The following NAA40 variants were observed in gnomAD, a reference collection of about 807,000 sequenced individuals.
NAA40 encodes N-alpha-acetyltransferase 40.
A neutral mutation model predicts 36.6 loss-of-function variants in NAA40; 26 were observed. The ratio of observed to expected loss-of-function variants is 0.71; its 90% confidence interval spans 0.52 to 0.98. The LOEUF (loss-of-function observed/expected upper bound fraction) is 0.98. Among genes scored for constraint, NAA40 ranks in the 50% least tolerant of loss-of-function variants. The pLI, the probability that NAA40 is intolerant of heterozygous loss-of-function variation, is 0.00. For synonymous variants in NAA40, 129 were observed against 108.4 expected, an observed-to-expected ratio of 1.19 and a Z score of -1.18; for missense variants, 237 against 306.5, an observed-to-expected ratio of 0.77 and a Z score of 1.69.
At chr11:63,944,099 AG>A (rs1173621540) in intron 1 of NAA40, among the ~76,000 whole-genome samples, 1 of 152,208 alleles carries the variant, frequency 6.6e-6, no homozygotes, top group East Asian at 1.9e-4. Context: ...AATCCCTGTG[AG>A]TTCCTGGTAT....
rs1041931446 is a variant in NAA40, at chr11:63,955,302, T to C, written c.*823T>C. 1 of 152,658 alleles carries C rather than the reference T, an allele frequency of 6.6e-6. No homozygotes were observed. The highest frequency in any genetic ancestry group is 1.5e-5 in the Non-Finnish European group (1 of 68,052). 9.5% of individuals were successfully genotyped at this position (152,658 alleles called of 1,614,324 possible). A position where few individuals can be genotyped will look rare whatever the true frequency, so the allele number is the denominator to read the frequency against. On this transcript the variant is annotated 3_prime_UTR_variant, in exon 8 of 8. Coordinates refer to ENST00000377793, the MANE Select transcript of NAA40 (RefSeq NM_024771.4). ...GAAAGCCAGAGGTTCTGCTTGTTCT[T>C]GTCTGCCAGCCCTCGTCGTTCTTTC... is the stretch of plus-strand genomic sequence containing the variant.
At chr11:63,945,666 A>G (rs1207599663) in intron 1 of NAA40, among the ~76,000 whole-genome samples, 174 bp from the exon 2 acceptor site, 1 of 152,132 alleles carries the variant, frequency 6.6e-6, no homozygotes, top group Non-Finnish European at 1.5e-5. Context: ...ACTCCCCACT[A>G]CAAAATGACC....
At chr11:63,951,299 T>C (rs1271721020) in intron 3 of NAA40, among the ~76,000 whole-genome samples, 2 of 152,188 alleles carry the variant, frequency 1.3e-5, no homozygotes, top group Non-Finnish European at 2.9e-5. Context: ...TAGGCATTTG[T>C]GGGTTTAGAA....
chr11:63,947,109 A>G, intron 3 of NAA40, 106 bp downstream of exon 3: 1 of 1,266,764 alleles, frequency 7.9e-7, no homozygotes, highest in Non-Finnish European at 1.1e-6. Flanking sequence ...TGTTCTTCGT[A>G]TTTACGAAAA....
At chr11:63,949,963 C>G (rs2134276312) in intron 3 of NAA40, among the ~76,000 whole-genome samples, 1 of 151,970 alleles carries the variant, frequency 6.6e-6, no homozygotes, top group East Asian at 1.9e-4. Flanking sequence ...CCAGGATGGT[C>G]TCGATCTCCT....
intron 3 of NAA40, among the ~76,000 whole-genome samples, chr11:63,950,708 C>G (rs544016765): frequency 1.2e-4 from 18 of 150,968 alleles, no homozygotes; most frequent in Admixed American, 4.6e-4. Flanking sequence ...ATGATCCGCC[C>G]GCCTCGGCCT....
chr11:63,953,193 G>A (rs1473601881), intron 6 of NAA40, among the ~76,000 whole-genome samples: 2 of 151,844 alleles, frequency 1.3e-5, no homozygotes, highest in Middle Eastern at 3.4e-3. Flanking sequence ...GATTACAGGC[G>A]CGCACTGCCA....
intron 1 of NAA40, among the ~76,000 whole-genome samples, chr11:63,945,159 A>G (rs1467131718): frequency 6.6e-6 from 1 of 152,196 alleles, no homozygotes; most frequent in Non-Finnish European, 1.5e-5. Context: ...GTGTGCCTGC[A>G]GCTTCGTCTT....
chr11:63,957,212 A>ATATATATTT lies in NAA40; in HGVS notation c.*2734_*2735insATATATTTT, dbSNP rs1278673521. ...CCTTGATATATATATATATATATAT[A>ATATATATTT]TTTTTTTTTTTCTTTAGCAGCTTGT... On this transcript the variant is annotated 3_prime_UTR_variant, in exon 8 of 8. Transcript: ENST00000377793. The ATATATATTT allele has an allele frequency of 1.2e-3, 78 of 64,302 alleles. 1 individual carries two copies. The highest frequency in any genetic ancestry group is 3.1e-3 in the African/African-American group (75 of 23,964). The allele number at this position is 64,302 out of a possible 1,614,324, so 4.0% of individuals were successfully genotyped here.
chr11:63,952,605 C>T (rs1042002724), intron 5 of NAA40, 40 bp downstream of exon 5: 2 of 1,609,958 alleles, frequency 1.2e-6, no homozygotes, highest in Non-Finnish European at 1.7e-6. Context: ...GAGAGAGACC[C>T]TGGCGATGTT....
At chr11:63,940,298 C>T (rs1383464990) in intron 1 of NAA40, among the ~76,000 whole-genome samples, 4 of 152,194 alleles carry the variant, frequency 2.6e-5, no homozygotes, top group Non-Finnish European at 4.4e-5. Flanking sequence ...ATTCACCCGC[C>T]TAGGCCTCCC....
chr11:63,949,901 C>T (rs1024192312), intron 3 of NAA40, among the ~76,000 whole-genome samples: 3 of 151,616 alleles, frequency 2.0e-5, no homozygotes, highest in Admixed American at 6.6e-5. Context: ...CCCGCCACCA[C>T]GCCCGGCTAA....
chr11:63,945,588 C>T (rs999021805), intron 1 of NAA40, among the ~76,000 whole-genome samples: 11 of 152,130 alleles, frequency 7.2e-5, no homozygotes, highest in Non-Finnish European at 1.6e-4. Flanking sequence ...TGGGTCCCCA[C>T]AGTGTCTGTG....
intron 3 of NAA40, 127 bp from the exon 4 acceptor site, chr11:63,952,111 C>A (rs1942288643): frequency 1.0e-5 from 7 of 673,256 alleles, no homozygotes; most frequent in South Asian, 1.0e-4. Flanking sequence ...GGGGCAGATA[C>A]AGGGTTGGCT....
chr11:63,946,712 C>T, intron 2 of NAA40: 3 of 1,515,230 alleles, frequency 2.0e-6, no homozygotes, highest in Non-Finnish European at 2.6e-6. Flanking sequence ...GAGGTCTCCT[C>T]TTGCCCTGTC....
In NAA40 at chr11:63,952,289, C is replaced by A; in HGVS notation, c.207C>A (p.Thr69=). The A allele has an allele frequency of 6.2e-7, 1 of 1,613,798 alleles. No homozygotes were observed. The highest frequency in any genetic ancestry group is 2.2e-5 in the East Asian group (1 of 44,882). The change falls in exon 4 of 8, where the codon ACC becomes ACA. Residue 69 remains threonine (T), a synonymous_variant. Transcript: ENST00000377793. Reference sequence around the variant, plus strand: ...GAGTGTCTGGACTGGAGCCAGCCACCGTGGATTGGGCCTTCGACCTGACCA... The same window carrying A: ...GAGTGTCTGGACTGGAGCCAGCCACAGTGGATTGGGCCTTCGACCTGACCA... ...CKRVSGLEPA[T]VDWAFDLTKT...
chr11:63,943,737 C>T (rs180803164), intron 1 of NAA40, among the ~76,000 whole-genome samples: 17 of 152,008 alleles, frequency 1.1e-4, no homozygotes, highest in Admixed American at 6.6e-4. Flanking sequence ...ACAGGAGGAT[C>T]GCTTGAGCTC....
In NAA40 at chr11:63,939,065, T is replaced by A; in HGVS notation, c.-32T>A. 6.3e-7 allele frequency: 1 copy of A among 1,599,360 alleles called. No homozygotes were observed. On this transcript the variant is annotated 5_prime_UTR_variant, in exon 1 of 8. Coordinates refer to ENST00000377793, the MANE Select transcript of NAA40 (RefSeq NM_024771.4). ...TGCCGCCTCCCTGCCGGCAAGTGTG[T>A]GAAGAAGAAGCTGAGCGTTGTCGCC...
chr11:63,953,938 C>G, intron 6 of NAA40, 34 bp from the exon 7 acceptor site: 2 of 1,599,454 alleles, frequency 1.3e-6, no homozygotes, highest in Non-Finnish European at 8.6e-7. Context: ...CCATGTTTCT[C>G]TTTCTAAAAG....
Sources: gnomAD v4.1 joint callset for allele counts (sites outside exome capture counted in the v4.1 genomes callset) on GRCh38, gnomAD v4.1.1 for gene constraint, MANE v1.5 for transcripts, NCBI Gene and HGNC (gene_info 2026-07-23, HGNC 2026-07-21) for gene names.